MAST4: variants seen among roughly 807,000 people sequenced by gnomAD.
MAST4 encodes the protein microtubule associated serine/threonine kinase family member 4.
Under a neutral mutation model 162.7 loss-of-function variants are expected in MAST4, and 89 were observed. The ratio of observed to expected loss-of-function variants is 0.55; its 90% CI spans 0.46 to 0.65. The LOEUF (loss-of-function observed/expected upper bound fraction) is 0.65. Among genes scored for constraint, MAST4 ranks in the 30% least tolerant of loss-of-function variants. The pLI is 0.00. For missense variants in MAST4, 3,153 were observed against 3,374.0 expected, an observed-to-expected ratio of 0.93 and a Z score of 1.62; for synonymous variants, 1,479 against 1,361.1, an observed-to-expected ratio of 1.09 and a Z score of -1.91.
At chr5:66,759,688 C>T in intron 1 of MAST4, 21 bp from the exon 2 acceptor site, 1 of 1,612,870 alleles carries the variant, frequency 6.2e-7, no homozygotes, top group Non-Finnish European at 8.5e-7. Flanking sequence ...GCCAGTGATG[C>T]CATTCTTCCT....
chr5:67,019,292 G>A (rs1040214255), intron 4 of MAST4, among the ~76,000 whole-genome samples: 1 of 152,208 alleles, frequency 6.6e-6, no homozygotes, highest in African/African-American at 2.4e-5. Context: ...GGTATGCAGT[G>A]GAGATGGGCC....
chr5:66,972,974 C>G (rs1297269104), intron 4 of MAST4, among the ~76,000 whole-genome samples: 1 of 152,168 alleles, frequency 6.6e-6, no homozygotes, highest in Non-Finnish European at 1.5e-5. Context: ...AATCCCAAAC[C>G]TGTTTTTAAA....
chr5:67,132,141 A>C (rs73119558), intron 16 of MAST4, among the ~76,000 whole-genome samples, 190 bp downstream of exon 16: 7,690 of 152,192 alleles, frequency 0.051, 485 homozygotes, highest in African/African-American at 0.15. Context: ...GAAGTTCAGG[A>C]AACTCATGGA....
intron 3 of MAST4, among the ~76,000 whole-genome samples, chr5:66,848,451 T>TTTTG: frequency 6.6e-6 from 1 of 152,310 alleles, no homozygotes; most frequent in Admixed American, 6.5e-5. Flanking sequence ...AGGTTGTTTT[T>TTTTG]TTTGTTTGTT....
At chr5:66,821,535 A>G (rs916550046) in intron 3 of MAST4, among the ~76,000 whole-genome samples, 5 of 152,178 alleles carry the variant, frequency 3.3e-5, no homozygotes, top group Non-Finnish European at 5.9e-5. Context: ...ATGTTACTTT[A>G]ATGAATAGTA....
intron 4 of MAST4, among the ~76,000 whole-genome samples, chr5:67,022,789 G>A (rs1446637810): frequency 1.3e-5 from 2 of 152,112 alleles, no homozygotes; most frequent in Non-Finnish European, 2.9e-5. Context: ...TTTGTGTAAT[G>A]TATGATGCAT....
chr5:66,776,335 G>A (rs1476278113), intron 2 of MAST4, among the ~76,000 whole-genome samples: 1 of 152,178 alleles, frequency 6.6e-6, no homozygotes, highest in African/African-American at 2.4e-5. Context: ...ATCTTGGTGA[G>A]CAAAAGAGCG....
intron 1 of MAST4, among the ~76,000 whole-genome samples, chr5:66,621,219 G>A (rs1744055459): frequency 6.6e-6 from 1 of 152,112 alleles, no homozygotes; most frequent in Admixed American, 6.5e-5. Context: ...TTTGATTCTG[G>A]GGACCTCAAA....
intron 1 of MAST4, among the ~76,000 whole-genome samples, chr5:66,642,261 A>G (rs1489674349): frequency 6.6e-6 from 1 of 152,216 alleles, no homozygotes; most frequent in Non-Finnish European, 1.5e-5. Context: ...GCAGTCAGAA[A>G]AATCTGAACC....
chr5:66,639,336 G>A (rs981248901), intron 1 of MAST4, among the ~76,000 whole-genome samples: 2 of 143,278 alleles, frequency 1.4e-5, no homozygotes, highest in African/African-American at 2.6e-5. Context: ...CAGAAAACTG[G>A]ACAACAACAA....
chr5:67,152,721 C>G lies in MAST4; in HGVS notation c.3380C>G (p.Pro1127Arg). ...SDPSSSRDSSPSRDSSAASAS... is the reference protein window; with the variant it reads ...SDPSSSRDSSRSRDSSAASAS... ...CCTTCTTCTTCACGAGATTCCTCTCCCAGCCGAGATTCCTCAGCAGCTTCT... is the reference window on the plus strand; with the variant it reads ...CCTTCTTCTTCACGAGATTCCTCTCGCAGCCGAGATTCCTCAGCAGCTTCT... The change falls in exon 25 of 29, where the codon CCC (proline) becomes CGC (arginine). Residue 1127 changes from proline (P) to arginine (R), a missense_variant. This residue lies in a region of MAST4 where 619 missense variants were observed against 744.2 expected (regional missense o/e 0.83). Coordinates refer to ENST00000403625, the MANE Select transcript of MAST4 (RefSeq NM_001164664.2). The G allele has an allele frequency of 6.2e-7, 1 of 1,614,060 alleles. No individual in the cohort carries two copies. Among genetic ancestry groups the G allele is most frequent in the Non-Finnish European group, 8.5e-7 (1 of 1,179,902 alleles).
chr5:66,879,396 T>A (rs1211649683), intron 3 of MAST4, among the ~76,000 whole-genome samples: 14 of 151,964 alleles, frequency 9.2e-5, no homozygotes, highest in Non-Finnish European at 1.6e-4. Flanking sequence ...ACAAATTACC[T>A]ATTGGGTTGG....
chr5:66,947,877 T>C (rs1225086326), intron 4 of MAST4, among the ~76,000 whole-genome samples: 2 of 152,212 alleles, frequency 1.3e-5, no homozygotes, highest in Admixed American at 1.3e-4. Context: ...GGAGGCAGCA[T>C]GACACTGAAA....
intron 4 of MAST4, chr5:67,004,603 G>A (rs1751735363): frequency 1.2e-5 from 2 of 170,068 alleles, no homozygotes; most frequent in East Asian, 1.5e-4. Flanking sequence ...TCGCAGAAGC[G>A]GCGAGTGGTA....
chr5:66,698,560 A>G (rs761008021), intron 1 of MAST4, among the ~76,000 whole-genome samples: 5 of 152,076 alleles, frequency 3.3e-5, no homozygotes, highest in African/African-American at 4.8e-5. Flanking sequence ...ATTTGCTTTA[A>G]GTGATTCAGC....
intron 4 of MAST4, among the ~76,000 whole-genome samples, chr5:67,017,075 C>T (rs1355356500): frequency 6.6e-6 from 1 of 152,164 alleles, no homozygotes; most frequent in Admixed American, 6.5e-5. Flanking sequence ...CTCAAATACA[C>T]CTTTTCCTTT....
intron 1 of MAST4, among the ~76,000 whole-genome samples, chr5:66,726,854 C>A (rs564583274): frequency 6.6e-6 from 1 of 152,128 alleles, no homozygotes; most frequent in Non-Finnish European, 1.5e-5. Flanking sequence ...CCCCTACCCC[C>A]AGTCCGTGGA....
intron 3 of MAST4, among the ~76,000 whole-genome samples, chr5:66,888,780 CA>C (rs1762197482): frequency 6.6e-6 from 1 of 152,178 alleles, no homozygotes; most frequent in Non-Finnish European, 1.5e-5. Context: ...GTGGATTGGA[CA>C]GTGAGGTTGG....
chr5:66,693,174 CTAA>C (rs1333651079), intron 1 of MAST4, among the ~76,000 whole-genome samples: 1 of 152,010 alleles, frequency 6.6e-6, no homozygotes, highest in Non-Finnish European at 1.5e-5. Context: ...CCCCCGGGAA[CTAA>C]TGTTTCTTGT....
Sources: allele counts gnomAD v4.1 joint callset (sites outside exome capture counted in the v4.1 genomes callset), GRCh38; gene constraint gnomAD v4.1.1; regional missense constraint gnomAD v4.1.1; transcripts MANE v1.5; gene names NCBI Gene and HGNC (gene_info 2026-07-23, HGNC 2026-07-21).